COL23A1: variants seen among roughly 807,000 people sequenced by gnomAD.
The protein encoded by COL23A1 is collagen alpha-1(XXIII) chain.
A neutral mutation model predicts 99.3 loss-of-function variants in COL23A1; 97 were observed. The observed-to-expected ratio is 0.98, with a 90% CI of 0.83 to 1.16. The LOEUF is 1.16. COL23A1 is among the 50% of genes most tolerant of loss of function. The pLI is 0.00. For synonymous variants in COL23A1, 320 were observed against 308.2 expected (o/e 1.04, Z -0.40); for missense variants, 762 against 757.4 (o/e 1.01, Z -0.07).
intron 2 of COL23A1, among the ~76,000 whole-genome samples, chr5:178,470,777 C>T (rs1472521548): frequency 1.9e-5 from 2 of 107,340 alleles, no homozygotes; most frequent in African/African-American, 3.2e-5. Context: ...ACACTGGACC[C>T]AGATACCTCC....
At chr5:178,253,846 G>A (rs1765165863) in intron 16 of COL23A1, among the ~76,000 whole-genome samples, 1 of 152,040 alleles carries the variant, frequency 6.6e-6, no homozygotes, top group Non-Finnish European at 1.5e-5. Context: ...ATCAAACTGA[G>A]TCGGCATCTC....
At chr5:178,318,458 T>C (rs1200982892) in intron 2 of COL23A1, among the ~76,000 whole-genome samples, 2 of 152,086 alleles carry the variant, frequency 1.3e-5, no homozygotes, top group Admixed American at 6.5e-5. Context: ...GCAAAACCGA[T>C]GGGAAGAGGG....
chr5:178,567,349 A>G (rs538442445), intron 1 of COL23A1, among the ~76,000 whole-genome samples: 28 of 152,322 alleles, frequency 1.8e-4, no homozygotes, highest in Admixed American at 1.6e-3. Flanking sequence ...GCCAAGGCAG[A>G]AAAAACACAA....
At chr5:178,533,439 C>T (rs957482830) in intron 2 of COL23A1, among the ~76,000 whole-genome samples, 2 of 152,160 alleles carry the variant, frequency 1.3e-5, no homozygotes, top group Admixed American at 1.3e-4. Flanking sequence ...TGTGTCTTTG[C>T]GACTGGCTTA....
At chr5:178,373,270 C>A (rs1762897327) in intron 2 of COL23A1, among the ~76,000 whole-genome samples, 1 of 152,194 alleles carries the variant, frequency 6.6e-6, no homozygotes. Context: ...GGCACAGCAG[C>A]AGTAACACCA....
At chr5:178,265,320 T>G (rs542383974) in intron 8 of COL23A1, among the ~76,000 whole-genome samples, 2 of 152,332 alleles carry the variant, frequency 1.3e-5, no homozygotes, top group South Asian at 4.1e-4. Context: ...ACAGTTTGGT[T>G]AGGTCACCAG....
rs1763550776 is a variant in COL23A1 at position 178,384,303 on chromosome 5, C to G, written c.362-77384G>C. 6.6e-6 allele frequency among the ~76,000 whole-genome samples: 1 copy of G among 152,364 alleles called. No individual in the cohort carries two copies. Among genetic ancestry groups the G allele is most frequent in the Middle Eastern group, 3.4e-3 (1 of 294 alleles). ...CAAAACCTGGATCCGGCGACGGAGGCCCGGCCTGGCCACTGCCTGGCGTTT... is the reference window on the plus strand; with the variant it reads ...CAAAACCTGGATCCGGCGACGGAGGGCCGGCCTGGCCACTGCCTGGCGTTT... On this transcript the variant is annotated intron_variant, in intron 2 of 28. Transcript: ENST00000390654. The surrounding 1 kb of genome is among the most constrained non-coding windows in gnomAD (Gnocchi z 5.5).
chr5:178,369,749 C>CA (rs2127719751), intron 2 of COL23A1, among the ~76,000 whole-genome samples: 1 of 152,130 alleles, frequency 6.6e-6, no homozygotes, highest in Admixed American at 6.5e-5. Flanking sequence ...TGTAAGGCCC[C>CA]CCCAGCCAGG....
chr5:178,386,451 A>AT (rs1274964453), intron 2 of COL23A1, among the ~76,000 whole-genome samples: 1 of 149,178 alleles, frequency 6.7e-6, no homozygotes, highest in Non-Finnish European at 1.5e-5. Context: ...AAAAAAAAAA[A>AT]CGCAATACAC....
At chr5:178,488,230 G>T (rs1172222885) in intron 2 of COL23A1, among the ~76,000 whole-genome samples, 3 of 152,154 alleles carry the variant, frequency 2.0e-5, no homozygotes, top group Admixed American at 6.5e-5. Flanking sequence ...TGAAAAGTCA[G>T]AATTCAATTA....
In COL23A1 at chr5:178,341,307, G is replaced by A. The variant is rs1455046927; in HGVS notation, c.362-34388C>T. Among the ~76,000 whole-genome samples the A allele has an allele frequency of 1.3e-5, 2 of 152,156 alleles. 1 individual carries two copies. Among genetic ancestry groups the A allele is most frequent in the Non-Finnish European group, 2.9e-5 (2 of 68,036 alleles). ...GCCTGACCCGTCAGGTCTTTACAAG[G>A]AGAATAAGAACCTTGGCTGGGGAAC... On this transcript the variant is annotated intron_variant, in intron 2 of 28. Transcript: ENST00000390654.
At chr5:178,465,182 C>T (rs530604) in intron 2 of COL23A1, among the ~76,000 whole-genome samples, 1,567 of 152,254 alleles carry the variant, frequency 0.01, 34 homozygotes, top group African/African-American at 0.035. Context: ...AGCGTGTACA[C>T]GGAACCCATC....
chr5:178,523,163 C>CATACAT (rs1760059465), intron 2 of COL23A1, among the ~76,000 whole-genome samples: 1 of 95,550 alleles, frequency 1.0e-5, no homozygotes, highest in Non-Finnish European at 2.0e-5. Flanking sequence ...TATATATATA[C>CATACAT]ATATATATAT....
chr5:178,477,719 C>G (rs1251355126), intron 2 of COL23A1, among the ~76,000 whole-genome samples: 1 of 152,052 alleles, frequency 6.6e-6, no homozygotes, highest in Admixed American at 6.6e-5. Context: ...TCAACGTACC[C>G]CTCCTTCCTT....
Position 178,340,169 on chromosome 5 carries a change from C to A in COL23A1, c.362-33250G>T, listed in dbSNP as rs748784019. On this transcript the variant is annotated intron_variant, in intron 2 of 28. Transcript: ENST00000390654. The surrounding 1 kb of genome is among the most constrained non-coding windows in gnomAD (Gnocchi z 4.7). ...TGGGCATCATACTCCCTCCTCACAGCGTTCTCATGAGGAATGCACCTATGA... is the reference window on the plus strand; with the variant it reads ...TGGGCATCATACTCCCTCCTCACAGAGTTCTCATGAGGAATGCACCTATGA... Among the ~76,000 whole-genome samples the A allele has an allele frequency of 1.3e-5, 2 of 152,138 alleles. No homozygotes were observed. Among genetic ancestry groups the A allele is most frequent in the Non-Finnish European group, 2.9e-5 (2 of 68,032 alleles).
At chr5:178,373,932 G>C (rs1238200863) in intron 2 of COL23A1, among the ~76,000 whole-genome samples, 1 of 152,200 alleles carries the variant, frequency 6.6e-6, no homozygotes, top group Admixed American at 6.5e-5. Context: ...CGCCTGAGGA[G>C]AGCAGGGCAG....
At position 178,541,920 on chromosome 5, in the gene COL23A1, A is replaced by G. The variant is rs181621660; in HGVS notation, c.361+18762T>C. ...AATCGGGATTATGTGCCCTGGGGAC[A>G]CTAGGGGAGTCTGTGGGGGTCTGGC... is the stretch of plus-strand genomic sequence containing the variant. On this transcript the variant is annotated intron_variant, in intron 2 of 28. Coordinates refer to ENST00000390654, the MANE Select transcript of COL23A1 (RefSeq NM_173465.4). Among the ~76,000 whole-genome samples the G allele has an allele frequency of 3.2e-3, 483 of 152,322 alleles. 4 individuals carry two copies. The highest frequency in any genetic ancestry group is 0.014 in the Middle Eastern group (4 of 294).
rs576094619 is a variant in COL23A1 at position 178,398,392 on chromosome 5, C to T, written c.362-91473G>A. On this transcript the variant is annotated intron_variant, in intron 2 of 28. Coordinates refer to ENST00000390654, the MANE Select transcript of COL23A1 (RefSeq NM_173465.4). The stretch of plus-strand genomic sequence containing the variant: ...CTGTAATCCCAGCACTTTGAGAGGC[C>T]GACGCAGGCGGATCACATTGGGTCA... 2.3e-4 allele frequency among the ~76,000 whole-genome samples: 35 copies of T among 152,272 alleles called. No individual in the cohort carries two copies. The South Asian group carries it at 5.0e-3, about 22-fold the overall frequency.
At chr5:178,474,813 C>T (rs773382342) in intron 2 of COL23A1, among the ~76,000 whole-genome samples, 4 of 152,134 alleles carry the variant, frequency 2.6e-5, no homozygotes, top group Admixed American at 6.6e-5. Flanking sequence ...GAACAGGAGG[C>T]GGGGAGCGGA....
Sources: gnomAD v4.1 joint callset for allele counts (sites outside exome capture counted in the v4.1 genomes callset) on GRCh38, gnomAD v4.1.1 for gene constraint, Gnocchi (gnomAD v3.1) non-coding constraint, MANE v1.5 for transcripts, NCBI Gene and HGNC (gene_info 2026-07-23, HGNC 2026-07-21) for gene names.